TEX30: variants seen among roughly 807,000 people sequenced by gnomAD.
The protein encoded by TEX30 is testis-expressed protein 30.
In TEX30, 14 loss-of-function variants were observed where a neutral mutation model predicts 23.8. That is an observed-to-expected ratio of 0.59 (90% CI 0.39 to 0.92). The LOEUF (loss-of-function observed/expected upper bound fraction) is 0.92, where lower values mean the gene tolerates loss of function less well. Ranked by LOEUF, TEX30 falls within the 40% of genes least tolerant of loss-of-function variation. The probability of loss-of-function intolerance (pLI) is 0.00; values close to 1 mark genes in which losing one functional copy is unlikely to be tolerated. For missense variants in TEX30, 246 were observed against 270.6 expected (o/e 0.91, Z 0.64); for synonymous variants, 78 against 90.2 (o/e 0.87, Z 0.76).
At chr13:102,766,914 A>G (rs1375924689) in intron 5 of TEX30, among the ~76,000 whole-genome samples, 1 of 152,226 alleles carries the variant, frequency 6.6e-6, no homozygotes, top group Non-Finnish European at 1.5e-5. Context: ...AATATTTAGT[A>G]ATGTGTAGAC....
chr13:102,766,385 A>G lies in TEX30; in HGVS notation c.*16T>C, dbSNP rs780525711. 5.6e-6 allele frequency: 9 copies of G among 1,608,108 alleles called. No homozygotes were observed. Among genetic ancestry groups the G allele is most frequent in the Non-Finnish European group, 7.7e-6 (9 of 1,175,806 alleles). ...CAAATTAACTGTATGTGTACTCAAG[A>G]TAACATGGCTTTTAACTAATGACAT... On this transcript the variant is annotated 3_prime_UTR_variant, in exon 6 of 6. Transcript: ENST00000376032.
At chr13:102,766,856 C>A (rs1301644335) in intron 5 of TEX30, among the ~76,000 whole-genome samples, 1 of 152,140 alleles carries the variant, frequency 6.6e-6, no homozygotes. Context: ...TTTTCCCAAG[C>A]AAATTATATG....
intron 3 of TEX30, 67 bp downstream of exon 3, chr13:102,769,244 T>C: frequency 8.6e-7 from 1 of 1,160,042 alleles, no homozygotes; most frequent in Non-Finnish European, 1.2e-6. Flanking sequence ...TAATAAAATT[T>C]ATCTTACATT....
intron 4 of TEX30, 34 bp downstream of exon 4, chr13:102,768,226 G>A: frequency 1.3e-6 from 2 of 1,520,800 alleles, no homozygotes; most frequent in Non-Finnish European, 1.8e-6. Context: ...ATTAAAACAG[G>A]TAATTAACAA....
chr13:102,768,227 TA>T, intron 4 of TEX30, 32 bp downstream of exon 4: 1 of 1,529,798 alleles, frequency 6.5e-7, no homozygotes, highest in East Asian at 2.3e-5. Context: ...TTAAAACAGG[TA>T]ATTAACAAGT....
chr13:102,769,294 T>A lies in TEX30; in HGVS notation c.246+17A>T, dbSNP rs372727812. 2 of 1,450,788 alleles carry A rather than the reference T, an allele frequency of 1.4e-6. No homozygotes were observed. The highest frequency in any genetic ancestry group is 3.6e-4 in the Middle Eastern group (2 of 5,624). The allele number at this position is 1,450,788 out of a possible 1,614,324, so 89.9% of individuals were successfully genotyped here. ...AACAGAATTCTGTTATAAGTAAATA[T>A]AAAGAAATTTTCTTACCAAAACTGA... On this transcript the variant is annotated intron_variant, in intron 3 of 5. Transcript: ENST00000376032.
At chr13:102,768,785 G>A (rs1450717511) in intron 3 of TEX30, among the ~76,000 whole-genome samples, 1 of 151,964 alleles carries the variant, frequency 6.6e-6, no homozygotes, top group African/African-American at 2.4e-5. Flanking sequence ...CATGACACCT[G>A]ATAAGCTTAA....
At chr13:102,767,678 C>T (rs1444723478) in intron 4 of TEX30, among the ~76,000 whole-genome samples, 200 bp from the exon 5 acceptor site, 1 of 152,086 alleles carries the variant, frequency 6.6e-6, no homozygotes, top group Non-Finnish European at 1.5e-5. Context: ...TTTGGGAGGC[C>T]TAGGTGGGCA....
rs369641163 is a variant in TEX30 at position 102,768,211 on chromosome 13, C to G, written c.298+49G>C. Reference sequence around the variant, plus strand: ...TAATTTTAATTCTCCATTACCTATTCCTATATTAAAACAGGTAATTAACAA... The same window carrying G: ...TAATTTTAATTCTCCATTACCTATTGCTATATTAAAACAGGTAATTAACAA... On this transcript the variant is annotated intron_variant, in intron 4 of 5. Coordinates refer to ENST00000376032, the MANE Select transcript of TEX30 (RefSeq NM_138779.5). The G allele has an allele frequency of 4.3e-5, 61 of 1,403,146 alleles. No homozygotes were observed. The Admixed American group carries it at 5.6e-4, about 13-fold the overall frequency. The allele number at this position is 1,403,146 out of a possible 1,614,324, so 86.9% of individuals were successfully genotyped here.
At chr13:102,770,107 T>A (rs1877213159) in intron 1 of TEX30, 21 bp from the exon 2 acceptor site, 2 of 1,065,148 alleles carry the variant, frequency 1.9e-6, no homozygotes, top group East Asian at 3.1e-5. Context: ...GATTCTGTTG[T>A]GAAAGGTGAG....
chr13:102,771,160 G>C (rs1367613975), intron 1 of TEX30, among the ~76,000 whole-genome samples: 1 of 151,886 alleles, frequency 6.6e-6, no homozygotes, highest in Non-Finnish European at 1.5e-5. Context: ...CACGATGTAA[G>C]TGTATTTATA....
Position 102,770,022 on chromosome 13 carries a change from C to G in TEX30, c.5G>C (p.Ser2Thr). 1 of 1,434,788 alleles carries G rather than the reference C, an allele frequency of 7.0e-7. No individual in the cohort carries two copies. Among genetic ancestry groups the G allele is most frequent in the Non-Finnish European group, 9.2e-7 (1 of 1,088,302 alleles). 88.9% of individuals were successfully genotyped at this position (1,434,788 alleles called of 1,614,324 possible). Residue 2 changes from serine (S) to threonine (T), a missense_variant, in exon 2 of 6, where the codon AGT becomes ACT. By Grantham distance (58) the Ser-to-Thr change is moderately conservative. Transcript: ENST00000376032. ...ATACGAAAATATTACCTCTGTATGA[C>G]TCATTTTCACTGTTGAATAACAAAC... M[S>T]HTEVKLKIPF... is the part of the protein sequence containing the mutation.
chr13:102,768,973 C>T (rs1190496211), intron 3 of TEX30, among the ~76,000 whole-genome samples: 1 of 152,164 alleles, frequency 6.6e-6, no homozygotes, highest in Non-Finnish European at 1.5e-5. Flanking sequence ...ATACAGAAAA[C>T]AGTATCATAT....
chr13:102,766,884 T>G (rs1185241875), intron 5 of TEX30, among the ~76,000 whole-genome samples: 2 of 152,228 alleles, frequency 1.3e-5, no homozygotes. Flanking sequence ...GAATATAAAG[T>G]TGTTTCATAA....
chr13:102,771,048 A>T (rs1357935554), intron 1 of TEX30, among the ~76,000 whole-genome samples: 1 of 152,140 alleles, frequency 6.6e-6, no homozygotes, highest in African/African-American at 2.4e-5. Context: ...AAAAAGTCTC[A>T]CTCATTCCAC....
In TEX30 at chr13:102,766,648, C is replaced by T. The variant is rs1876909153; in HGVS notation, c.505-68G>A. 2.1e-6 allele frequency: 3 copies of T among 1,420,146 alleles called. No homozygotes were observed. In the Admixed American group the frequency reaches 6.8e-5, roughly 32 times the overall value. 88.0% of individuals were successfully genotyped at this position (1,420,146 alleles called of 1,614,324 possible). On this transcript the variant is annotated intron_variant, in intron 5 of 5. Coordinates refer to ENST00000376032, the MANE Select transcript of TEX30 (RefSeq NM_138779.5). ...ATATTTAATAAAAGGTCCTCTCTCC[C>T]CTGCCTATACTGGCATTCATTCCCA...
chr13:102,766,562 C>T lies in TEX30; in HGVS notation c.523G>A (p.Ala175Thr). 6.2e-7 allele frequency: 1 copy of T among 1,612,676 alleles called. No homozygotes were observed. The highest frequency in any genetic ancestry group is 8.5e-7 in the Non-Finnish European group (1 of 1,179,408). Residue 175 changes from alanine (A) to threonine (T), a missense_variant, in exon 6 of 6, where the codon GCA becomes ACA. Coordinates refer to ENST00000376032, the MANE Select transcript of TEX30 (RefSeq NM_138779.5). ...TTATGGGGAGCTTGCATTTTCTGTGCCACTTTCTCCAACAAGTTCTAAAGA... is the reference window on the plus strand; with the variant it reads ...TTATGGGGAGCTTGCATTTTCTGTGTCACTTTCTCCAACAAGTTCTAAAGA... ...MCEKNLLEKV[A>T]QKMQAPHKIH...
chr13:102,769,107 T>C (rs1877114179), intron 3 of TEX30, among the ~76,000 whole-genome samples: 1 of 152,200 alleles, frequency 6.6e-6, no homozygotes, highest in African/African-American at 2.4e-5. Context: ...GGAACATTTA[T>C]GATGTAAGCA....
In TEX30 at chr13:102,769,354, C is replaced by T; in HGVS notation, c.203G>A (p.Gly68Asp). 1.3e-6 allele frequency: 2 copies of T among 1,596,368 alleles called. No homozygotes were observed. The highest frequency in any genetic ancestry group is 2.2e-5 in the East Asian group (1 of 44,522). ...CTTAATTCTATGTACAATATTAAGG[C>T]CTTTACAGGTAAATCTCAGGCAGAA... ...GFFCLRFTCK[G>D]LNIVHRIKAY... Residue 68 changes from glycine (G) to aspartate (D), a missense_variant, in exon 3 of 6, where the codon GGC (glycine) becomes GAC (aspartate). Gly to Asp is a moderately conservative substitution (Grantham distance 94). Coordinates refer to ENST00000376032, the MANE Select transcript of TEX30 (RefSeq NM_138779.5).
Sources: gnomAD v4.1 joint callset for allele counts (sites outside exome capture counted in the v4.1 genomes callset) on GRCh38, gnomAD v4.1.1 for gene constraint, MANE v1.5 for transcripts, NCBI Gene and HGNC (gene_info 2026-07-23, HGNC 2026-07-21) for gene names.